Variants in NLRP5 observed in about 807,000 individuals in gnomAD.
NLRP5 encodes NACHT, LRR and PYD domains-containing protein 5.
NLRP5 carries 93 observed loss-of-function variants against 113.1 expected under a neutral mutation model. That is an observed-to-expected ratio of 0.82 (90% confidence interval 0.70 to 0.98). NLRP5 has a LOEUF of 0.98. NLRP5 is among the 50% of genes least tolerant of loss of function. The probability of loss-of-function intolerance (pLI) is 0.00; values close to 1 mark genes in which losing one functional copy is unlikely to be tolerated. For missense variants in NLRP5, 1,808 were observed against 1,514.3 expected (o/e 1.19, Z -3.22); for synonymous variants, 751 against 600.7 (o/e 1.25, Z -3.66).
At chr19:55,989,113 T>G in the NLRP5 span, among the ~76,000 whole-genome samples, 2 of 152,252 alleles carry the variant, frequency 1.3e-5, no homozygotes, top group East Asian at 1.9e-4. Context: ...CTATCATCAG[T>G]GTTCACGTGT....
chr19:55,993,216 C>T, the NLRP5 span, among the ~76,000 whole-genome samples: 20 of 151,818 alleles, frequency 1.3e-4, no homozygotes, highest in African/African-American at 4.8e-4. Context: ...ATATTCATCA[C>T]CCCAAACATT....
rs555669348 is a variant in NLRP5 at position 56,043,625 on chromosome 19, G to C, written c.2957+2533G>C. On this transcript the variant is annotated intron_variant, in intron 11 of 14. Transcript: ENST00000390649. ...CTGTCGCCCAGGCTGCAGTGCAGTG[G>C]CGTGATCTCCGGTCACTGCAAGCTC... 4.4e-5 allele frequency among the ~76,000 whole-genome samples: 6 copies of C among 135,966 alleles called. No individual in the cohort carries two copies. The Admixed American group carries it at 4.9e-4, about 11-fold the overall frequency. 89.2% of individuals were successfully genotyped at this position (135,966 alleles called of 152,430 possible). A position where few individuals can be genotyped will look rare whatever the true frequency, so the allele number is the denominator to read the frequency against.
In NLRP5 at chr19:56,027,723, C is replaced by A; in HGVS notation, c.1490C>A (p.Thr497Lys). 1 of 1,613,642 alleles carries A rather than the reference C, an allele frequency of 6.2e-7. No homozygotes were observed. Among genetic ancestry groups the A allele is most frequent in the Non-Finnish European group, 8.5e-7 (1 of 1,179,854 alleles). ...GAGAGCGTCGCCCCCTTCAACCAAACGCTCACAGGCCTGCACGCCGCTTTT... is the reference window on the plus strand; with the variant it reads ...GAGAGCGTCGCCCCCTTCAACCAAAAGCTCACAGGCCTGCACGCCGCTTTT... The change falls in exon 7 of 15, where the codon ACG (threonine) becomes AAG (lysine). Residue 497 changes from threonine (T) to lysine (K), a missense_variant. Transcript: ENST00000390649.
the NLRP5 span, among the ~76,000 whole-genome samples, chr19:55,990,989 A>G: frequency 6.7e-6 from 1 of 149,604 alleles, no homozygotes; most frequent in African/African-American, 2.4e-5. Flanking sequence ...CATCTCAAAG[A>G]AAAAAAAAAT....
chr19:56,053,705 C>A lies in NLRP5; in HGVS notation c.3196C>A (p.His1066Asn), dbSNP rs754573571. 6.2e-7 allele frequency: 1 copy of A among 1,613,934 alleles called. No homozygotes were observed. The highest frequency in any genetic ancestry group is 1.7e-4 in the Middle Eastern group (1 of 6,060). ...GTCCTGTGTGATCTCGAGGAGCAGACACCTGAAGAGCCTGGATCTCACGGA... is the reference window on the plus strand; with the variant it reads ...GTCCTGTGTGATCTCGAGGAGCAGAAACCTGAAGAGCCTGGATCTCACGGA... The change falls in exon 13 of 15, where the codon CAC becomes AAC. Residue 1066 changes from histidine to asparagine, a missense_variant. Physicochemically the swap from His to Asn is moderately conservative, Grantham distance 68 (BLOSUM62 1). Coordinates refer to ENST00000390649, the MANE Select transcript of NLRP5 (RefSeq NM_153447.4).
chr19:55,998,517 G>A (rs972196101), upstream of NLRP5, among the ~76,000 whole-genome samples: 2 of 151,540 alleles, frequency 1.3e-5, no homozygotes, highest in Non-Finnish European at 2.9e-5. Context: ...GCCGGGCATG[G>A]TGACAGGTGC....
chr19:56,008,958 T>C, intron 3 of NLRP5, 105 bp downstream of exon 3: 1 of 971,830 alleles, frequency 1.0e-6, no homozygotes, highest in Non-Finnish European at 1.6e-6. Flanking sequence ...TCTAGTGTTC[T>C]TTCTAGTCTA....
intron 9 of NLRP5, among the ~76,000 whole-genome samples, chr19:56,034,186 C>T (rs1445834964): frequency 3.9e-5 from 6 of 152,158 alleles, no homozygotes; most frequent in East Asian, 1.9e-4. Flanking sequence ...GTCAGGAGTT[C>T]AAGACCAGCC....
Position 56,026,941 on chromosome 19 carries a change from G to C in NLRP5, c.708G>C (p.Lys236Asn). The change falls in exon 7 of 15, where the codon AAG (lysine) becomes AAC (asparagine). Residue 236 changes from lysine to asparagine, a missense_variant. Transcript: ENST00000390649. The stretch of plus-strand genomic sequence containing the variant: ...ATGGAGGTGACACATGGGACTACAA[G>C]AGTCACGTGATGACCAAATTCGCTG... The C allele has an allele frequency of 1.5e-5, 23 of 1,551,688 alleles. No homozygotes were observed. The highest frequency in any genetic ancestry group is 2.0e-5 in the Non-Finnish European group (23 of 1,146,990).
chr19:56,039,478 T>G (rs897726389), intron 10 of NLRP5, among the ~76,000 whole-genome samples: 5 of 152,088 alleles, frequency 3.3e-5, no homozygotes, highest in Admixed American at 3.3e-4. Context: ...ACATCTGAGC[T>G]CTCGATCACA....
At chr19:56,044,649 C>T (rs1230385367) in intron 11 of NLRP5, among the ~76,000 whole-genome samples, 1 of 152,122 alleles carries the variant, frequency 6.6e-6, no homozygotes, top group East Asian at 1.9e-4. Context: ...AGTGTGATGC[C>T]TCCAGATTTG....
chr19:56,005,233 T>TTA (rs961493470), intron 2 of NLRP5, among the ~76,000 whole-genome samples: 1 of 143,528 alleles, frequency 7.0e-6, no homozygotes, highest in East Asian at 2.0e-4. Flanking sequence ...ACATATATTT[T>TTA]TATATATACA....
Position 56,058,251 on chromosome 19 carries a change from G to A in NLRP5, c.3311G>A (p.Cys1104Tyr). The A allele has an allele frequency of 6.2e-7, 1 of 1,613,578 alleles. No individual in the cohort carries two copies. Among genetic ancestry groups the A allele is most frequent in the Non-Finnish European group, 8.5e-7 (1 of 1,179,650 alleles). The change falls in exon 14 of 15, where the codon TGT becomes TAT. Residue 1104 changes from cysteine (C) to tyrosine (Y), a missense_variant. Physicochemically the swap from Cys to Tyr is radical, Grantham distance 194. Transcript: ENST00000390649. ...TCCTGACCCTGCAGGTTGAAGGCAT[G>A]TGGACTGACTTCTGATTGCTGTGAG...
At chr19:56,055,149 C>T (rs1400852148) in intron 13 of NLRP5, among the ~76,000 whole-genome samples, 10 of 151,902 alleles carry the variant, frequency 6.6e-5, no homozygotes, top group Non-Finnish European at 1.2e-4. Context: ...CCACCATGCC[C>T]GGCTACTTTT....
the NLRP5 span, among the ~76,000 whole-genome samples, chr19:55,991,433 T>A: frequency 1.3e-5 from 2 of 152,182 alleles, no homozygotes; most frequent in African/African-American, 4.8e-5. Context: ...TTGGATGATA[T>A]TATACTGATG....
At chr19:56,034,218 A>T (rs1186803501) in intron 9 of NLRP5, among the ~76,000 whole-genome samples, 1 of 152,096 alleles carries the variant, frequency 6.6e-6, no homozygotes, top group Non-Finnish European at 1.5e-5. Context: ...GTGAAACTCC[A>T]TCTCTACCAA....
At position 56,003,902 on chromosome 19, in the gene NLRP5, A is replaced by G. The variant is rs756421184; in HGVS notation, c.249A>G (p.Leu83=). The change falls in exon 2 of 15, where the codon TTA becomes TTG. Residue 83 remains leucine, a synonymous_variant. Coordinates refer to ENST00000390649, the MANE Select transcript of NLRP5 (RefSeq NM_153447.4). ...AAGAATTTCAGACATTCAAGGAATTACTAAAGAAGAAATCTTCAGAATCGA... is the reference window on the plus strand; with the variant it reads ...AAGAATTTCAGACATTCAAGGAATTGCTAAAGAAGAAATCTTCAGAATCGA... 2.2e-5 allele frequency: 35 copies of G among 1,613,914 alleles called. No homozygotes were observed. The highest frequency in any genetic ancestry group is 2.8e-5 in the Non-Finnish European group (33 of 1,179,894).
At chr19:56,020,272 T>G in intron 5 of NLRP5, 103 bp from the exon 6 acceptor site, 1 of 1,377,564 alleles carries the variant, frequency 7.3e-7, no homozygotes, top group Admixed American at 2.0e-5. Flanking sequence ...TGTTTTCAAC[T>G]GGCCAGAAAA....
chr19:55,994,290 T>C, the NLRP5 span, among the ~76,000 whole-genome samples: 1 of 152,238 alleles, frequency 6.6e-6, no homozygotes, highest in African/African-American at 2.4e-5. Flanking sequence ...ACCCACTTCT[T>C]AAATGGATTA....
Sources: gnomAD v4.1 joint callset for allele counts (sites outside exome capture counted in the v4.1 genomes callset) on GRCh38, gnomAD v4.1.1 for gene constraint, MANE v1.5 for transcripts, NCBI Gene and HGNC (gene_info 2026-07-23, HGNC 2026-07-21) for gene names.